The following RBM47 variants were observed in gnomAD, a reference collection of about 807,000 sequenced individuals.
RBM47 encodes the protein RNA-binding protein 47.
RBM47 carries 21 observed loss-of-function variants against 47.1 expected under a neutral mutation model. That is an observed-to-expected ratio of 0.45 (90% CI 0.32 to 0.64). The LOEUF is 0.64. Ranked by LOEUF, RBM47 falls within the 30% of genes least tolerant of loss-of-function variation. RBM47 has a pLI of 0.05. For synonymous variants in RBM47, 375 were observed against 361.7 expected (o/e 1.04, Z -0.42); for missense variants, 708 against 870.9 (o/e 0.81, Z 2.35).
At chr4:40,576,861 G>A (rs1732387917) in intron 1 of RBM47, among the ~76,000 whole-genome samples, 1 of 152,184 alleles carries the variant, frequency 6.6e-6, no homozygotes, top group Non-Finnish European at 1.5e-5. Context: ...TCCTGATGAT[G>A]ATGATGATGA....
chr4:40,573,548 G>A (rs1344429150), intron 1 of RBM47, among the ~76,000 whole-genome samples: 1 of 151,852 alleles, frequency 6.6e-6, no homozygotes, highest in African/African-American at 2.4e-5. Flanking sequence ...TTCGAGACCA[G>A]CCTGGCCAAC....
intron 1 of RBM47, among the ~76,000 whole-genome samples, chr4:40,583,654 C>T (rs1733220812): frequency 6.6e-6 from 1 of 151,452 alleles, no homozygotes; most frequent in African/African-American, 2.4e-5. Flanking sequence ...GTCAGGAGAT[C>T]GAGACCATCC....
chr4:40,576,266 C>CGT, intron 1 of RBM47, among the ~76,000 whole-genome samples: 1 of 98,934 alleles, frequency 1.0e-5, no homozygotes, highest in Admixed American at 1.1e-4. Flanking sequence ...TGGGGGGGGG[C>CGT]GGAGACAGGG....
At chr4:40,572,228 C>T (rs555005229) in intron 1 of RBM47, among the ~76,000 whole-genome samples, 15 of 151,116 alleles carry the variant, frequency 9.9e-5, no homozygotes, top group African/African-American at 3.6e-4. Flanking sequence ...TACTAAAATA[C>T]AAAAATTAGC....
At chr4:40,463,630 A>G (rs1310410774) in intron 3 of RBM47, among the ~76,000 whole-genome samples, 2 of 152,104 alleles carry the variant, frequency 1.3e-5, no homozygotes, top group African/African-American at 4.8e-5. Flanking sequence ...TTGGTAAGTA[A>G]TAACAGATCT....
At chr4:40,453,176 A>G (rs1715716292) in intron 3 of RBM47, among the ~76,000 whole-genome samples, 3 of 152,114 alleles carry the variant, frequency 2.0e-5, no homozygotes, top group Non-Finnish European at 4.4e-5. Context: ...AGCGATAAAT[A>G]CTTAAAGATT....
chr4:40,532,659 A>T (rs560503149), intron 2 of RBM47, among the ~76,000 whole-genome samples: 39 of 148,008 alleles, frequency 2.6e-4, no homozygotes, highest in East Asian at 1.2e-3. Flanking sequence ...CTTTTTAAAT[A>T]TTTTTTTCCA....
intron 2 of RBM47, among the ~76,000 whole-genome samples, chr4:40,509,727 A>G (rs1724646085): frequency 6.7e-6 from 1 of 148,866 alleles, no homozygotes; most frequent in Non-Finnish European, 1.5e-5. Flanking sequence ...TAAAAATACA[A>G]AAAAAAAAAT....
intron 1 of RBM47, among the ~76,000 whole-genome samples, chr4:40,613,064 A>G (rs1033813040): frequency 1.3e-5 from 2 of 152,208 alleles, no homozygotes; most frequent in African/African-American, 4.8e-5. Context: ...GCCATCCTTG[A>G]ATGTTTGCTG....
intron 3 of RBM47, among the ~76,000 whole-genome samples, chr4:40,451,318 T>A (rs1293581197): frequency 6.6e-6 from 1 of 152,158 alleles, no homozygotes; most frequent in Non-Finnish European, 1.5e-5. Context: ...TCAATTTAAT[T>A]TTCAGACAAA....
intron 1 of RBM47, among the ~76,000 whole-genome samples, chr4:40,576,017 G>A (rs750315438): frequency 1.1e-4 from 16 of 152,146 alleles, no homozygotes; most frequent in Non-Finnish European, 2.1e-4. Flanking sequence ...TGGTTCTGTC[G>A]CCACCCAAGG....
At chr4:40,453,781 T>C (rs11724286) in intron 3 of RBM47, among the ~76,000 whole-genome samples, 5,973 of 152,202 alleles carry the variant, frequency 0.039, 158 homozygotes, top group Middle Eastern at 0.061. Context: ...CAATCCTCCC[T>C]ACAGGGAAGG....
chr4:40,601,304 C>T (rs1362250446), intron 1 of RBM47, among the ~76,000 whole-genome samples: 2 of 152,114 alleles, frequency 1.3e-5, no homozygotes, highest in Admixed American at 6.5e-5. Flanking sequence ...GAGTGCCTGG[C>T]CCAAGGGAAG....
chr4:40,539,000 C>T (rs1266420116), intron 2 of RBM47, among the ~76,000 whole-genome samples: 1 of 152,126 alleles, frequency 6.6e-6, no homozygotes, highest in Non-Finnish European at 1.5e-5. Flanking sequence ...GGATAGTGGT[C>T]TGATTTATCT....
rs1349035996 is a variant in RBM47, at chr4:40,425,296, A to G, written c.*608T>C. 1 of 152,700 alleles carries G rather than the reference A, an allele frequency of 6.5e-6. No homozygotes were observed. Among genetic ancestry groups the G allele is most frequent in the Non-Finnish European group, 1.5e-5 (1 of 68,068 alleles). 9.5% of individuals were successfully genotyped at this position (152,700 alleles called of 1,614,324 possible). The stretch of plus-strand genomic sequence containing the variant: ...AGATCCAGTGTTTAATTTCTTTTAA[A>G]AAATAGTACCGCCATGATGATACAT... On this transcript the variant is annotated 3_prime_UTR_variant, in exon 7 of 7. Transcript: ENST00000295971.
At chr4:40,612,251 G>T (rs780422260) in intron 1 of RBM47, among the ~76,000 whole-genome samples, 1 of 152,194 alleles carries the variant, frequency 6.6e-6, no homozygotes, top group Non-Finnish European at 1.5e-5. Context: ...TAGTTAGATG[G>T]CCGGGTGCAG....
At chr4:40,487,675 G>A (rs1387903783) in intron 2 of RBM47, among the ~76,000 whole-genome samples, 3 of 152,000 alleles carry the variant, frequency 2.0e-5, no homozygotes, top group Admixed American at 1.3e-4. Context: ...ATAACACTTC[G>A]TAAGCATAGC....
chr4:40,465,604 G>A (rs533976531), intron 3 of RBM47, among the ~76,000 whole-genome samples: 21 of 152,154 alleles, frequency 1.4e-4, no homozygotes, highest in African/African-American at 4.3e-4. Context: ...GCTCGAACCC[G>A]GGAGGCGGCG....
intron 2 of RBM47, among the ~76,000 whole-genome samples, chr4:40,501,763 T>C (rs965135928): frequency 1.3e-5 from 2 of 152,204 alleles, no homozygotes; most frequent in African/African-American, 2.4e-5. Flanking sequence ...ATCTAACTAA[T>C]GCCTTTTCCA....
Sources: allele counts gnomAD v4.1 joint callset (sites outside exome capture counted in the v4.1 genomes callset), GRCh38; gene constraint gnomAD v4.1.1; transcripts MANE v1.5; gene names NCBI Gene and HGNC (gene_info 2026-07-23, HGNC 2026-07-21).